Variants in RNFT2 observed in about 807,000 individuals in gnomAD.
RNFT2 encodes E3 ubiquitin-protein ligase RNFT2.
Under a neutral mutation model 53.0 loss-of-function variants are expected in RNFT2, and 36 were observed. The ratio of observed to expected loss-of-function variants is 0.68; its 90% CI spans 0.52 to 0.90. The LOEUF (loss-of-function observed/expected upper bound fraction) is 0.90, where lower values mean the gene tolerates loss of function less well. RNFT2 is among the 40% of genes least tolerant of loss of function. The pLI, the probability that RNFT2 is intolerant of heterozygous loss-of-function variation, is 0.00. For synonymous variants in RNFT2, 260 were observed against 253.2 expected (o/e 1.03, Z -0.26); for missense variants, 514 against 585.6 (o/e 0.88, Z 1.26).
intron 10 of RNFT2, among the ~76,000 whole-genome samples, chr12:116,841,818 A>AATATATATATAAATATATATATAT (rs1877289497): frequency 2.6e-5 from 2 of 76,952 alleles, no homozygotes; most frequent in African/African-American, 1.5e-4. Flanking sequence ...TATATATATA[A>AATATATATATAAATATATATATAT]AAATATATAT....
intron 7 of RNFT2, among the ~76,000 whole-genome samples, chr12:116,817,811 A>G (rs1238547617): frequency 6.6e-6 from 1 of 152,212 alleles, no homozygotes; most frequent in Non-Finnish European, 1.5e-5. Context: ...AATTCTTTGC[A>G]TTTACTCCAA....
Position 116,805,489 on chromosome 12 carries a change from T to G in RNFT2, c.882+26141T>G, listed in dbSNP as rs149623447. 5.4e-3 allele frequency among the ~76,000 whole-genome samples: 815 copies of G among 152,262 alleles called. 29 individuals are homozygous for G. Among genetic ancestry groups the G allele is most frequent in the Admixed American group, 0.046 (704 of 15,292 alleles). ...ATTTTTTGTTGTTGTTGTTGTTGTT[T>G]TTTGACACAGCGTCTCTCTCTGTCG... On this transcript the variant is annotated intron_variant, in intron 7 of 10. Coordinates refer to ENST00000257575, the MANE Select transcript of RNFT2 (RefSeq NM_001382266.1).
intron 7 of RNFT2, among the ~76,000 whole-genome samples, chr12:116,831,697 G>A (rs1035714112): frequency 7.9e-5 from 12 of 152,010 alleles, no homozygotes; most frequent in Non-Finnish European, 1.3e-4. Flanking sequence ...GGGCAGTGTT[G>A]TTTGTTTGAT....
intron 6 of RNFT2, 99 bp from the exon 7 acceptor site, chr12:116,779,096 T>C: frequency 1.5e-6 from 2 of 1,292,770 alleles, no homozygotes; most frequent in South Asian, 1.4e-5. Flanking sequence ...TTCAGCGCTC[T>C]TTCTACAGGT....
chr12:116,783,792 G>A (rs903674868), intron 7 of RNFT2, among the ~76,000 whole-genome samples: 6 of 152,236 alleles, frequency 3.9e-5, no homozygotes, highest in Admixed American at 2.6e-4. Context: ...CCCACAGAGT[G>A]CTAAGTGACA....
intron 6 of RNFT2, among the ~76,000 whole-genome samples, chr12:116,773,874 T>C (rs1873307654): frequency 6.6e-6 from 1 of 152,184 alleles, no homozygotes; most frequent in Non-Finnish European, 1.5e-5. Context: ...CATCATGCAA[T>C]AGCCAAAAGG....
intron 7 of RNFT2, among the ~76,000 whole-genome samples, chr12:116,826,751 A>G (rs1876359260): frequency 6.6e-6 from 1 of 152,190 alleles, no homozygotes; most frequent in Non-Finnish European, 1.5e-5. Context: ...GACTTGAGTA[A>G]TAAGGATGGA....
intron 7 of RNFT2, among the ~76,000 whole-genome samples, chr12:116,816,378 T>C (rs1360067982): frequency 1.3e-5 from 2 of 152,180 alleles, no homozygotes; most frequent in Non-Finnish European, 2.9e-5. Flanking sequence ...AGCAACTCTT[T>C]TGGGGCCTCA....
intron 7 of RNFT2, among the ~76,000 whole-genome samples, chr12:116,827,579 C>T (rs985357424): frequency 6.6e-6 from 1 of 152,246 alleles, no homozygotes; most frequent in African/African-American, 2.4e-5. Flanking sequence ...CCAAATACGT[C>T]CTGCCACTTG....
chr12:116,778,650 G>A (rs1873548013), intron 6 of RNFT2, among the ~76,000 whole-genome samples: 1 of 152,276 alleles, frequency 6.6e-6, no homozygotes, highest in African/African-American at 2.4e-5. Flanking sequence ...AGGAGTTTGA[G>A]ACCAGCCTCG....
chr12:116,826,332 A>G (rs1592981855), intron 7 of RNFT2, among the ~76,000 whole-genome samples: 1 of 151,628 alleles, frequency 6.6e-6, no homozygotes, highest in Admixed American at 6.6e-5. Context: ...CAAGCAGAGA[A>G]CCGTCCATGC....
chr12:116,812,534 CTTTTT>C (rs112093335), intron 7 of RNFT2, among the ~76,000 whole-genome samples: 1 of 143,946 alleles, frequency 6.9e-6, no homozygotes. Flanking sequence ...CTGTTCCTAT[CTTTTT>C]TTTTTTTTTC....
At chr12:116,785,194 C>G (rs1247296361) in intron 7 of RNFT2, among the ~76,000 whole-genome samples, 1 of 151,342 alleles carries the variant, frequency 6.6e-6, no homozygotes, top group Non-Finnish European at 1.5e-5. Flanking sequence ...GTTCAGAAGT[C>G]TCTTCTAGAT....
At chr12:116,822,348 C>T (rs1411345793) in intron 7 of RNFT2, among the ~76,000 whole-genome samples, 1 of 151,122 alleles carries the variant, frequency 6.6e-6, no homozygotes, top group Non-Finnish European at 1.5e-5. Flanking sequence ...CTCTCTCTGT[C>T]TCTCTCTCTC....
chr12:116,741,733 C>A (rs1407558758), intron 3 of RNFT2, among the ~76,000 whole-genome samples: 1 of 152,176 alleles, frequency 6.6e-6, no homozygotes, highest in Non-Finnish European at 1.5e-5. Flanking sequence ...ACTATAGCCT[C>A]CAAATCCTAG....
At chr12:116,782,917 A>G (rs1873777784) in intron 7 of RNFT2, among the ~76,000 whole-genome samples, 1 of 152,200 alleles carries the variant, frequency 6.6e-6, no homozygotes, top group African/African-American at 2.4e-5. Context: ...TAGCACAGGT[A>G]TTAAACTCTT....
chr12:116,830,576 T>C (rs924386757), intron 7 of RNFT2, among the ~76,000 whole-genome samples: 1 of 152,098 alleles, frequency 6.6e-6, no homozygotes, highest in African/African-American at 2.4e-5. Flanking sequence ...GTGTCAGCCA[T>C]TGCACCTGGC....
At chr12:116,848,168 A>G (rs899777194) in intron 10 of RNFT2, among the ~76,000 whole-genome samples, 5 of 152,204 alleles carry the variant, frequency 3.3e-5, no homozygotes, top group African/African-American at 1.2e-4. Context: ...CCTGCAAAGG[A>G]CATGATCTCG....
chr12:116,843,222 G>A (rs1417976805), intron 10 of RNFT2, among the ~76,000 whole-genome samples: 3 of 152,116 alleles, frequency 2.0e-5, no homozygotes, highest in Non-Finnish European at 4.4e-5. Context: ...GCTGGGCACA[G>A]TGGCTTGCAC....
Sources: allele counts gnomAD v4.1 joint callset (sites outside exome capture counted in the v4.1 genomes callset), GRCh38; gene constraint gnomAD v4.1.1; transcripts MANE v1.5; gene names NCBI Gene and HGNC (gene_info 2026-07-23, HGNC 2026-07-21).